CYSLTR2: variants seen among roughly 807,000 people sequenced by gnomAD.
CYSLTR2 encodes the protein G-protein coupled receptor GPCR21.
For missense variants in CYSLTR2, 398 were observed against 411.9 expected (o/e 0.97, Z 0.29); for synonymous variants, 179 against 160.8 (o/e 1.11, Z -0.86).
At chr13:48,682,225 G>C (rs1029120980) in intron 1 of CYSLTR2, among the ~76,000 whole-genome samples, 1 of 152,102 alleles carries the variant, frequency 6.6e-6, no homozygotes, top group African/African-American at 2.4e-5. Flanking sequence ...CAAGCTGCCT[G>C]TACCACCTCT....
chr13:48,699,959 A>G (rs1047656797), intron 4 of CYSLTR2, among the ~76,000 whole-genome samples: 5 of 152,180 alleles, frequency 3.3e-5, no homozygotes, highest in Admixed American at 1.3e-4. Context: ...CCCTCCCAAG[A>G]CTAAATCAGA....
intron 1 of CYSLTR2, among the ~76,000 whole-genome samples, chr13:48,658,782 T>G (rs1236089787): frequency 6.6e-6 from 1 of 151,618 alleles, no homozygotes; most frequent in Non-Finnish European, 1.5e-5. Flanking sequence ...TGAGACTGAG[T>G]GTCCTTTACT....
intron 1 of CYSLTR2, among the ~76,000 whole-genome samples, chr13:48,670,589 G>A (rs1953398938): frequency 6.6e-6 from 1 of 152,190 alleles, no homozygotes; most frequent in African/African-American, 2.4e-5. Context: ...GATGGGAGCA[G>A]ATGTGTGGTG....
In CYSLTR2 at chr13:48,707,171, G is replaced by A. The variant is rs772682084; in HGVS notation, c.354G>A (p.Leu118=). ...CCTGCAGGATTATGTCTTATTCCTTGTATGTCAACATGTACAGCAGTATTT... is the reference window on the plus strand; with the variant it reads ...CCTGCAGGATTATGTCTTATTCCTTATATGTCAACATGTACAGCAGTATTT... ...DLACRIMSYS[L]YVNMYSSIYF... is the part of the protein sequence containing the mutation. The change falls in exon 5 of 5, where the codon TTG becomes TTA. Residue 118 remains leucine, a synonymous_variant. Transcript: ENST00000682523. The A allele has an allele frequency of 5.6e-6, 9 of 1,614,044 alleles. No individual in the cohort carries two copies. In the South Asian group the frequency reaches 9.9e-5, roughly 18 times the overall value.
chr13:48,660,221 G>A lies in CYSLTR2; in HGVS notation c.-266+6204G>A, dbSNP rs368579663. On this transcript the variant is annotated intron_variant, in intron 1 of 4. Transcript: ENST00000682523. ...AATGCTGTACATCTTGTTCTTGAGG[G>A]CAGAGGTGTCCCCTGGCATGTTTGG... 1.8e-4 allele frequency among the ~76,000 whole-genome samples: 28 copies of A among 152,214 alleles called. No individual in the cohort carries two copies. In the South Asian group the frequency reaches 5.6e-3, roughly 31 times the overall value.
intron 1 of CYSLTR2, among the ~76,000 whole-genome samples, chr13:48,662,289 G>T (rs1953150090): frequency 6.6e-6 from 1 of 152,214 alleles, no homozygotes; most frequent in East Asian, 1.9e-4. Context: ...CCATAACTTG[G>T]CTATTGTGAA....
chr13:48,703,787 A>G (rs1442746664), intron 4 of CYSLTR2, among the ~76,000 whole-genome samples: 5 of 152,072 alleles, frequency 3.3e-5, no homozygotes, highest in Non-Finnish European at 7.4e-5. Context: ...TTTCTGGAAG[A>G]CACTGTATGG....
At chr13:48,692,232 A>G (rs1009503278) in intron 2 of CYSLTR2, among the ~76,000 whole-genome samples, 2 of 152,038 alleles carry the variant, frequency 1.3e-5, no homozygotes, top group Non-Finnish European at 2.9e-5. Flanking sequence ...ACTAGAAACA[A>G]CATTTTATTA....
chr13:48,669,270 T>C, intron 1 of CYSLTR2, among the ~76,000 whole-genome samples: 1 of 152,030 alleles, frequency 6.6e-6, no homozygotes, highest in East Asian at 1.9e-4. Flanking sequence ...CTCCAGCATC[T>C]GTTGTTTCCT....
Position 48,707,951 on chromosome 13 carries a change from CA to C in CYSLTR2, c.*96del. 2 of 1,047,110 alleles carry C rather than the reference CA, an allele frequency of 1.9e-6. No individual in the cohort carries two copies. The highest frequency in any genetic ancestry group is 2.6e-6 in the Non-Finnish European group (2 of 757,404). The allele number at this position is 1,047,110 out of a possible 1,614,324, so 64.9% of individuals were successfully genotyped here. A position where few individuals can be genotyped will look rare whatever the true frequency, so the allele number is the denominator to read the frequency against. Reference sequence around the variant, plus strand: ...GACTTTGTATTTACATCACTCCCAACAAATGTTGATTCTTAATATTTAGTTG... The same window carrying C: ...GACTTTGTATTTACATCACTCCCAACAATGTTGATTCTTAATATTTAGTTG... On this transcript the variant is annotated 3_prime_UTR_variant, in exon 5 of 5. Transcript: ENST00000682523.
In CYSLTR2 at chr13:48,707,026, C is replaced by T. The variant is rs754435156; in HGVS notation, c.209C>T (p.Ser70Phe). ...IYVFLQPYKK[S>F]TSVNVFMLNL... ...GTTTTCCTGCAGCCTTATAAGAAGT[C>T]CACATCTGTGAACGTTTTCATGCTA... Residue 70 changes from serine to phenylalanine, a missense_variant, in exon 5 of 5, where the codon TCC (serine) becomes TTC (phenylalanine). Ser to Phe is a radical substitution (Grantham distance 155). Transcript: ENST00000682523. 3.7e-5 allele frequency: 60 copies of T among 1,613,978 alleles called. No homozygotes were observed. The highest frequency in any genetic ancestry group is 4.8e-5 in the Non-Finnish European group (57 of 1,180,006).
At chr13:48,655,218 C>A (rs1315729383) in intron 1 of CYSLTR2, among the ~76,000 whole-genome samples, 1 of 152,140 alleles carries the variant, frequency 6.6e-6, no homozygotes, top group East Asian at 1.9e-4. Context: ...TGAATCACGC[C>A]CATATCTGCT....
chr13:48,692,402 T>A (rs1381341922), intron 2 of CYSLTR2, among the ~76,000 whole-genome samples: 1 of 151,940 alleles, frequency 6.6e-6, no homozygotes, highest in Non-Finnish European at 1.5e-5. Context: ...TTTTTGTACA[T>A]CATTCATGTA....
intron 1 of CYSLTR2, among the ~76,000 whole-genome samples, chr13:48,678,330 T>C (rs1199982922): frequency 5.9e-5 from 9 of 152,230 alleles, no homozygotes; most frequent in Admixed American, 4.6e-4. Context: ...TTTATTCCCA[T>C]TGAACACTCA....
chr13:48,667,915 GA>G (rs945071911), intron 1 of CYSLTR2, among the ~76,000 whole-genome samples: 11 of 152,160 alleles, frequency 7.2e-5, no homozygotes, highest in Admixed American at 5.2e-4. Context: ...GTGGTTAGAT[GA>G]AAGTGAGGAG....
At chr13:48,681,365 C>G (rs959596976) in intron 1 of CYSLTR2, among the ~76,000 whole-genome samples, 2 of 152,188 alleles carry the variant, frequency 1.3e-5, no homozygotes, top group African/African-American at 4.8e-5. Context: ...GTCTGAGTCT[C>G]TGCGCTCAAG....
At chr13:48,668,358 AG>A (rs965825743) in intron 1 of CYSLTR2, among the ~76,000 whole-genome samples, 2 of 152,048 alleles carry the variant, frequency 1.3e-5, no homozygotes, top group Admixed American at 1.3e-4. Context: ...GTTGAGGAAG[AG>A]GGGGGAATAG....
intron 1 of CYSLTR2, among the ~76,000 whole-genome samples, chr13:48,668,594 ATTTTAT>A (rs1953331234): frequency 6.6e-6 from 1 of 151,724 alleles, no homozygotes; most frequent in African/African-American, 2.4e-5. Context: ...TCCTCATTTT[ATTTTAT>A]TTTTATTTAC....
chr13:48,671,289 C>T (rs1593953147), intron 1 of CYSLTR2, among the ~76,000 whole-genome samples: 1 of 152,104 alleles, frequency 6.6e-6, no homozygotes, highest in South Asian at 2.1e-4. Flanking sequence ...GCCTGATTGC[C>T]CTGGCCAGAA....
Sources: gnomAD v4.1 joint callset for allele counts (sites outside exome capture counted in the v4.1 genomes callset) on GRCh38, gnomAD v4.1.1 for gene constraint, MANE v1.5 for transcripts, NCBI Gene and HGNC (gene_info 2026-07-23, HGNC 2026-07-21) for gene names.